ARHGAP27: variants seen among roughly 807,000 people sequenced by gnomAD.
ARHGAP27 encodes rho GTPase-activating protein 27.
Under a neutral mutation model 102.0 loss-of-function variants are expected in ARHGAP27, and 53 were observed. The ratio of observed to expected loss-of-function variants is 0.52; its 90% CI spans 0.42 to 0.65. The LOEUF (loss-of-function observed/expected upper bound fraction) is 0.65, where lower values mean the gene tolerates loss of function less well. Among genes scored for constraint, ARHGAP27 ranks in the 30% least tolerant of loss-of-function variants. The probability of loss-of-function intolerance (pLI) is 0.00; values close to 1 mark genes in which losing one functional copy is unlikely to be tolerated. For missense variants in ARHGAP27, 1,117 were observed against 1,256.2 expected (o/e 0.89, Z 1.68); for synonymous variants, 525 against 542.8 (o/e 0.97, Z 0.46).
rs759472670 is a variant in ARHGAP27, at chr17:45,395,646, T to C, written c.2493-13A>G. The C allele has an allele frequency of 1.9e-6, 3 of 1,587,090 alleles. No individual in the cohort carries two copies. The highest frequency in any genetic ancestry group is 2.6e-6 in the Non-Finnish European group (3 of 1,168,152). On this transcript the variant is annotated splice_polypyrimidine_tract_variant and intron_variant, in intron 19 of 19. Coordinates refer to ENST00000685559, the MANE Select transcript of ARHGAP27 (RefSeq NM_001282290.2). ...GTGCTCGATCACCCTGTGGCAGGGG[T>C]GGGTGGGTTCAGGGCTCCGAACTGC...
Position 45,427,366 on chromosome 17 carries a change from T to A in ARHGAP27, c.657+2257A>T, listed in dbSNP as rs2049721852. Among the ~76,000 whole-genome samples, 1 of 152,258 alleles carries A rather than the reference T, an allele frequency of 6.6e-6. No homozygotes were observed. The highest frequency in any genetic ancestry group is 2.1e-4 in the South Asian group (1 of 4,838). On this transcript the variant is annotated intron_variant, in intron 4 of 19. Transcript: ENST00000685559. This position sits in a 1 kb window ranked among gnomAD's most constrained non-coding sequence, Gnocchi z 4.5. Reference sequence around the variant, plus strand: ...CTCCACTCTGAGCCCCGGCCCCATGTCTTCTCTTGCTGGCCTCCTATCCAA... The same window carrying A: ...CTCCACTCTGAGCCCCGGCCCCATGACTTCTCTTGCTGGCCTCCTATCCAA...
In ARHGAP27 at chr17:45,413,967, G is replaced by A. The variant is rs372566149; in HGVS notation, c.658-7884C>T. On this transcript the variant is annotated intron_variant, in intron 4 of 19. Coordinates refer to ENST00000685559, the MANE Select transcript of ARHGAP27 (RefSeq NM_001282290.2). ...CTAAAAATACAAAAATTAGCTGGGCGTGGTGGCGTGCGCCTGTAATTCCAG... is the reference window on the plus strand; with the variant it reads ...CTAAAAATACAAAAATTAGCTGGGCATGGTGGCGTGCGCCTGTAATTCCAG... Among the ~76,000 whole-genome samples, 24 of 152,290 alleles carry A rather than the reference G, an allele frequency of 1.6e-4. No homozygotes were observed. In the East Asian group the frequency reaches 2.3e-3, roughly 15 times the overall value.
rs1211074380 is a variant in ARHGAP27 at position 45,430,669 on chromosome 17, A to T, written c.-18-372T>A. On this transcript the variant is annotated intron_variant, in intron 3 of 19. Coordinates refer to ENST00000685559, the MANE Select transcript of ARHGAP27 (RefSeq NM_001282290.2). This position sits in a 1 kb window ranked among gnomAD's most constrained non-coding sequence, Gnocchi z 4.4. ...CGACACCACGCTTGCTTAATAGTTG[A>T]CTGCGCCTTAGTTTTCCGTCAGTCA... Among the ~76,000 whole-genome samples, 4 of 152,042 alleles carry T rather than the reference A, an allele frequency of 2.6e-5. No individual in the cohort carries two copies. Among genetic ancestry groups the T allele is most frequent in the Non-Finnish European group, 5.9e-5 (4 of 67,990 alleles).
intron 3 of ARHGAP27, among the ~76,000 whole-genome samples, 197 bp downstream of exon 3, chr17:45,431,424 G>A (rs2050052654): frequency 6.6e-6 from 1 of 152,248 alleles, no homozygotes; most frequent in Non-Finnish European, 1.5e-5. Flanking sequence ...CAGAGGAGCA[G>A]GTTCCAACGG....
intron 4 of ARHGAP27, among the ~76,000 whole-genome samples, chr17:45,420,597 A>C (rs2048929121): frequency 6.6e-6 from 1 of 152,172 alleles, no homozygotes; most frequent in Admixed American, 6.5e-5. Context: ...GAGGGGCTGG[A>C]GAATGCAATT....
Position 45,430,946 on chromosome 17 carries a change from G to A in ARHGAP27, c.-18-649C>T, listed in dbSNP as rs1296620886. Among the ~76,000 whole-genome samples the A allele has an allele frequency of 6.6e-6, 1 of 152,068 alleles. No individual in the cohort carries two copies. The highest frequency in any genetic ancestry group is 2.4e-5 in the African/African-American group (1 of 41,402). ...CCTCCGCTGCCAATGCAGGGGAACCGGTTCTCTCGGTTTCTCTTTCCTTCC... is the reference window on the plus strand; with the variant it reads ...CCTCCGCTGCCAATGCAGGGGAACCAGTTCTCTCGGTTTCTCTTTCCTTCC... On this transcript the variant is annotated intron_variant, in intron 3 of 19. Coordinates refer to ENST00000685559, the MANE Select transcript of ARHGAP27 (RefSeq NM_001282290.2). The surrounding 1 kb of genome is among the most constrained non-coding windows in gnomAD (Gnocchi z 4.4).
At position 45,405,866 on chromosome 17, in the gene ARHGAP27, G is replaced by A. The variant is rs1487082109; in HGVS notation, c.875C>T (p.Pro292Leu). The A allele has an allele frequency of 1.1e-5, 17 of 1,536,080 alleles. No homozygotes were observed. The highest frequency in any genetic ancestry group is 2.0e-5 in the Admixed American group (1 of 50,992). ...GCTCACGTGGCTGTCCACCGAGGCA[G>A]GGGAGGTGGCTGGGCTGGCGGCACC... The part of the protein sequence containing the change: ...AEGAASPATS[P>L]ASVDSHVSLE... The change falls in exon 5 of 20, where the codon CCT becomes CTT. Residue 292 changes from proline (P) to leucine (L), a missense_variant. Around this residue, in one of 3 missense-constraint regions of ARHGAP27, gnomAD observed 610 missense variants for 716.4 expected, o/e 0.85. Transcript: ENST00000685559.
rs2049922745 is a variant in ARHGAP27, at chr17:45,429,832, G to T, written c.448C>A (p.Pro150Thr). 2 of 1,406,018 alleles carry T rather than the reference G, an allele frequency of 1.4e-6. No homozygotes were observed. The highest frequency in any genetic ancestry group is 6.5e-5 in the East Asian group (2 of 30,686). 87.1% of individuals were successfully genotyped at this position (1,406,018 alleles called of 1,614,324 possible). The change falls in exon 4 of 20, where the codon CCC becomes ACC. Residue 150 changes from proline (P) to threonine (T), a missense_variant. Transcript: ENST00000685559. Reference protein sequence around the residue: ...PACLYLRPAAPVRPAQSLNDL... With the variant: ...PACLYLRPAATVRPAQSLNDL... ...TTCAGGGACTGCGCGGGCCGCACGG[G>T]CGCCGCGGGCCGCAGGTACAGGCAG... is the stretch of plus-strand genomic sequence containing the variant.
At chr17:45,421,147 G>A (rs2048999363) in intron 4 of ARHGAP27, among the ~76,000 whole-genome samples, 2 of 130,068 alleles carry the variant, frequency 1.5e-5, no homozygotes, top group Admixed American at 1.8e-4. Flanking sequence ...AGTTGGGAGC[G>A]CTCACATGCA....
chr17:45,414,150 C>T (rs979582839), intron 4 of ARHGAP27, among the ~76,000 whole-genome samples: 3 of 151,882 alleles, frequency 2.0e-5, no homozygotes, highest in Non-Finnish European at 4.4e-5. Flanking sequence ...TCCCAGCCAG[C>T]GAAGGCTGTA....
intron 4 of ARHGAP27, among the ~76,000 whole-genome samples, chr17:45,414,128 C>A (rs1288728761): frequency 6.6e-6 from 1 of 151,322 alleles, no homozygotes; most frequent in East Asian, 1.9e-4. Flanking sequence ...AGAAATGGTC[C>A]ATGAGGGAAC....
intron 6 of ARHGAP27, 74 bp downstream of exon 6, chr17:45,404,850 A>G: frequency 6.2e-7 from 1 of 1,603,896 alleles, no homozygotes; most frequent in Non-Finnish European, 8.5e-7. Flanking sequence ...TAGAGCACTG[A>G]GGCGACCTAT....
At position 45,404,310 on chromosome 17, in the gene ARHGAP27, C is replaced by T. The variant is rs1446112465; in HGVS notation, c.1438G>A (p.Gly480Arg). The T allele has an allele frequency of 1.2e-6, 2 of 1,614,060 alleles. No homozygotes were observed. Among genetic ancestry groups the T allele is most frequent in the African/African-American group, 1.3e-5 (1 of 75,024 alleles). The change falls in exon 9 of 20, where the codon GGG (glycine) becomes AGG (arginine). Residue 480 changes from glycine to arginine, a missense_variant. This residue lies in a region of ARHGAP27 where 610 missense variants were observed against 716.4 expected (regional missense o/e 0.85). Transcript: ENST00000685559. ...GCAGGAGAGACTTCCTCCCAGCTCC[C>T]AACCTCATCCAGCTCTGCTGGGACC... Reference protein sequence around the residue: ...EKVPAELDEVGSWEEVSPATA... With the variant: ...EKVPAELDEVRSWEEVSPATA...
chr17:45,421,188 C>T (rs1242234112), intron 4 of ARHGAP27, among the ~76,000 whole-genome samples: 2 of 138,660 alleles, frequency 1.4e-5, no homozygotes, highest in African/African-American at 5.3e-5. Context: ...AAACAATAAT[C>T]GAGCAACAGT....
rs2045460217 is a variant in ARHGAP27, at chr17:45,395,325, G to A, written c.*131C>T. ...TCACCGTACCCTCAGAACCGAGGGTGCAGAAGTCACACCGGCCTGCGGCTA... is the reference window on the plus strand; with the variant it reads ...TCACCGTACCCTCAGAACCGAGGGTACAGAAGTCACACCGGCCTGCGGCTA... On this transcript the variant is annotated 3_prime_UTR_variant, in exon 20 of 20. Coordinates refer to ENST00000685559, the MANE Select transcript of ARHGAP27 (RefSeq NM_001282290.2). The A allele has an allele frequency of 1.6e-5, 19 of 1,186,986 alleles. No individual in the cohort carries two copies. The highest frequency in any genetic ancestry group is 3.2e-5 in the South Asian group (2 of 62,950). 73.5% of individuals were successfully genotyped at this position (1,186,986 alleles called of 1,614,324 possible). A position where few individuals can be genotyped will look rare whatever the true frequency, so the allele number is the denominator to read the frequency against.
At chr17:45,412,690 A>G (rs1337276903) in intron 4 of ARHGAP27, among the ~76,000 whole-genome samples, 1 of 152,086 alleles carries the variant, frequency 6.6e-6, no homozygotes, top group Non-Finnish European at 1.5e-5. Flanking sequence ...CCCCAAACAC[A>G]TGTTCTCCAG....
chr17:45,406,972 AC>A (rs2047248026), intron 4 of ARHGAP27, among the ~76,000 whole-genome samples: 1 of 152,072 alleles, frequency 6.6e-6, no homozygotes, highest in Non-Finnish European at 1.5e-5. Flanking sequence ...GTTTTACTCC[AC>A]CCCAAAGGAG....
In ARHGAP27 at chr17:45,395,385, C is replaced by G; in HGVS notation, c.*71G>C. 6.7e-7 allele frequency: 1 copy of G among 1,486,776 alleles called. No homozygotes were observed. Among genetic ancestry groups the G allele is most frequent in the Non-Finnish European group, 9.0e-7 (1 of 1,109,616 alleles). The allele number at this position is 1,486,776 out of a possible 1,614,324, so 92.1% of individuals were successfully genotyped here. Reference sequence around the variant, plus strand: ...GGAGGGTCCCAGAGAGAAGAAGGCCCGGCTGCGTGGCCTCCGCCGCCCAGC... The same window carrying G: ...GGAGGGTCCCAGAGAGAAGAAGGCCGGGCTGCGTGGCCTCCGCCGCCCAGC... On this transcript the variant is annotated 3_prime_UTR_variant, in exon 20 of 20. Coordinates refer to ENST00000685559, the MANE Select transcript of ARHGAP27 (RefSeq NM_001282290.2).
In ARHGAP27 at chr17:45,396,005, G is replaced by A. The variant is rs1403400458; in HGVS notation, c.2364C>T (p.Phe788=). The change falls in exon 18 of 20, where the codon TTC becomes TTT. Residue 788 remains phenylalanine (F), a synonymous_variant. Coordinates refer to ENST00000685559, the MANE Select transcript of ARHGAP27 (RefSeq NM_001282290.2). ...CACTGATGGCCGCAATGAACTGGCGGAAGTGCGAGAAGGGGAAGAGGGGCT... is the reference window on the plus strand; with the variant it reads ...CACTGATGGCCGCAATGAACTGGCGAAAGTGCGAGAAGGGGAAGAGGGGCT... ...LPEPLFPFSH[F]RQFIAAIKLQ... is the part of the protein sequence containing the mutation. 1 of 1,612,964 alleles carries A rather than the reference G, an allele frequency of 6.2e-7. No homozygotes were observed. Among genetic ancestry groups the A allele is most frequent in the African/African-American group, 1.3e-5 (1 of 75,054 alleles).
Sources: gnomAD v4.1 joint callset for allele counts (sites outside exome capture counted in the v4.1 genomes callset) on GRCh38, gnomAD v4.1.1 for gene constraint, gnomAD v4.1.1 regional missense constraint, Gnocchi (gnomAD v3.1) non-coding constraint, MANE v1.5 for transcripts, NCBI Gene and HGNC (gene_info 2026-07-23, HGNC 2026-07-21) for gene names.